SEMA5A: variants seen among roughly 807,000 people sequenced by gnomAD.
The protein encoded by SEMA5A is semaphorin-5A.
In SEMA5A, 55 loss-of-function variants were observed where a neutral mutation model predicts 135.5. The ratio of observed to expected loss-of-function variants is 0.41; its 90% CI spans 0.33 to 0.51. The LOEUF is 0.51. Among genes scored for constraint, SEMA5A ranks in the 20% least tolerant of loss-of-function variants. SEMA5A has a pLI of 0.37. For synonymous variants in SEMA5A, 580 were observed against 546.5 expected, an observed-to-expected ratio of 1.06 and a Z score of -0.85; for missense variants, 1,290 against 1,419.9, an observed-to-expected ratio of 0.91 and a Z score of 1.47.
At chr5:9,227,370 G>A (rs531463522) in intron 6 of SEMA5A, among the ~76,000 whole-genome samples, 11 of 152,228 alleles carry the variant, frequency 7.2e-5, no homozygotes, top group Admixed American at 2.6e-4. Flanking sequence ...ATAAATAAAA[G>A]GAACCTATTA....
intron 1 of SEMA5A, among the ~76,000 whole-genome samples, chr5:9,542,185 G>A (rs1486696179): frequency 1.3e-5 from 2 of 152,106 alleles, no homozygotes; most frequent in Non-Finnish European, 2.9e-5. Flanking sequence ...TTTCTCCAAA[G>A]TGCTTCCCAG....
At chr5:9,343,671 C>G (rs1004834652) in intron 3 of SEMA5A, among the ~76,000 whole-genome samples, 3 of 152,032 alleles carry the variant, frequency 2.0e-5, no homozygotes, top group African/African-American at 7.2e-5. Flanking sequence ...TGAGCCAAAA[C>G]TATGATAGAA....
chr5:9,122,624 G>A, intron 14 of SEMA5A, 32 bp downstream of exon 14: 1 of 1,493,810 alleles, frequency 6.7e-7, no homozygotes, highest in Non-Finnish European at 9.0e-7. Flanking sequence ...TTAATACACA[G>A]CAGCACAACT....
intron 8 of SEMA5A, among the ~76,000 whole-genome samples, chr5:9,212,922 C>T (rs11750136): frequency 0.16 from 24,350 of 152,190 alleles, 2,211 homozygotes; most frequent in South Asian, 0.23. Flanking sequence ...ACCATAAACT[C>T]GGCAGCTTAT....
intron 10 of SEMA5A, among the ~76,000 whole-genome samples, chr5:9,190,689 T>C (rs1745061280): frequency 6.6e-6 from 1 of 152,124 alleles, no homozygotes; most frequent in Non-Finnish European, 1.5e-5. Flanking sequence ...TCTCCCAACA[T>C]CATCATAAAT....
intron 11 of SEMA5A, among the ~76,000 whole-genome samples, chr5:9,188,467 G>A (rs1330726240): frequency 2.6e-5 from 4 of 152,136 alleles, no homozygotes; most frequent in South Asian, 2.1e-4. Flanking sequence ...ACTTACGTGG[G>A]GAGTACGTCC....
chr5:9,352,097 G>GGGC (rs1042442472), intron 3 of SEMA5A, among the ~76,000 whole-genome samples: 1 of 149,056 alleles, frequency 6.7e-6, no homozygotes, highest in Non-Finnish European at 1.5e-5. Context: ...AACAGGTCGG[G>GGGC]GGGGTTACTT....
At chr5:9,332,849 G>A (rs1274590122) in intron 4 of SEMA5A, among the ~76,000 whole-genome samples, 1 of 152,224 alleles carries the variant, frequency 6.6e-6, no homozygotes, top group Non-Finnish European at 1.5e-5. Flanking sequence ...CATTATATCT[G>A]CTATGAATTA....
At chr5:9,446,510 G>A (rs1561260146) in intron 1 of SEMA5A, among the ~76,000 whole-genome samples, 1 of 152,074 alleles carries the variant, frequency 6.6e-6, no homozygotes, top group Non-Finnish European at 1.5e-5. Flanking sequence ...TTTCATGCAG[G>A]CAATTTTGAA....
At chr5:9,093,709 AC>A (rs1426317930) in intron 16 of SEMA5A, among the ~76,000 whole-genome samples, 1 of 151,938 alleles carries the variant, frequency 6.6e-6, no homozygotes, top group Non-Finnish European at 1.5e-5. Flanking sequence ...AAACAAAAAA[AC>A]AAAACAAAAA....
chr5:9,197,316 GGA>G lies in SEMA5A; in HGVS notation c.933-15_933-14del. 1.3e-6 allele frequency: 2 copies of G among 1,585,948 alleles called. No individual in the cohort carries two copies. The highest frequency in any genetic ancestry group is 1.7e-6 in the Non-Finnish European group (2 of 1,168,692). Reference sequence around the variant, plus strand: ...CGCAATGCTGTTCCTGGGAGCGGAGGGAGAGAGAGAAGGCAGTCAGAGAGCTC... The same window carrying G: ...CGCAATGCTGTTCCTGGGAGCGGAGGGAGAGAGAAGGCAGTCAGAGAGCTC... On this transcript the variant is annotated splice_polypyrimidine_tract_variant and intron_variant, in intron 9 of 22. Coordinates refer to ENST00000382496, the MANE Select transcript of SEMA5A (RefSeq NM_003966.3).
At chr5:9,373,526 G>A (rs1046074395) in intron 3 of SEMA5A, among the ~76,000 whole-genome samples, 16 of 152,100 alleles carry the variant, frequency 1.1e-4, no homozygotes, top group African/African-American at 3.4e-4. Flanking sequence ...CCTCTATCAC[G>A]AGTCCATGCA....
chr5:9,111,494 G>A (rs1482791501), intron 15 of SEMA5A, among the ~76,000 whole-genome samples: 3 of 152,168 alleles, frequency 2.0e-5, no homozygotes, highest in African/African-American at 4.8e-5. Context: ...AAAATCTACC[G>A]CAGGGTAACC....
At chr5:9,529,034 T>C (rs1422044904) in intron 1 of SEMA5A, among the ~76,000 whole-genome samples, 1 of 152,232 alleles carries the variant, frequency 6.6e-6, no homozygotes, top group Non-Finnish European at 1.5e-5. Flanking sequence ...TCCAAAGAGC[T>C]AGGCAGAAGA....
At chr5:9,156,453 G>A (rs1742961107) in intron 11 of SEMA5A, among the ~76,000 whole-genome samples, 1 of 152,184 alleles carries the variant, frequency 6.6e-6, no homozygotes, top group African/African-American at 2.4e-5. Flanking sequence ...AGAGGGAGGT[G>A]TCAGCCTTCC....
intron 5 of SEMA5A, among the ~76,000 whole-genome samples, chr5:9,295,554 G>A (rs3777305): frequency 1.3e-5 from 2 of 152,142 alleles, no homozygotes; most frequent in African/African-American, 2.4e-5. Flanking sequence ...GAAGGAGGAG[G>A]AGGAGGAGGA....
At chr5:9,071,481 A>G (rs1327827866) in intron 16 of SEMA5A, among the ~76,000 whole-genome samples, 2 of 152,260 alleles carry the variant, frequency 1.3e-5, no homozygotes, top group African/African-American at 4.8e-5. Context: ...AATCTTGGGC[A>G]TAGTAACACT....
rs748703578 is a variant in SEMA5A at position 9,258,803 on chromosome 5, C to CTTTTTTTTTTTTTTTTTTTT, written c.271-20933_271-20914dup. ...ATTATTTGTCTTTTCTTCTTTCTTT[C>CTTTTTTTTTTTTTTTTTTTT]TTTTTTTTTTTTTTTTTTTTTTTTT... On this transcript the variant is annotated intron_variant, in intron 5 of 22. Transcript: ENST00000382496. Among the ~76,000 whole-genome samples, 34 of 48,988 alleles carry CTTTTTTTTTTTTTTTTTTTT rather than the reference C, an allele frequency of 6.9e-4. 3 individuals carry two copies. The highest frequency in any genetic ancestry group is 1.1e-3 in the Admixed American group (3 of 2,716). The allele number at this position is 48,988 out of a possible 152,430, so 32.1% of individuals were successfully genotyped here. A position where few individuals can be genotyped will look rare whatever the true frequency, so the allele number is the denominator to read the frequency against.
intron 5 of SEMA5A, among the ~76,000 whole-genome samples, chr5:9,282,957 C>T (rs1750616742): frequency 6.6e-6 from 1 of 152,168 alleles, no homozygotes; most frequent in Non-Finnish European, 1.5e-5. Context: ...AGGAACCTGA[C>T]TCTCCATAGA....
Sources: allele counts gnomAD v4.1 joint callset (sites outside exome capture counted in the v4.1 genomes callset), GRCh38; gene constraint gnomAD v4.1.1; transcripts MANE v1.5; gene names NCBI Gene and HGNC (gene_info 2026-07-23, HGNC 2026-07-21).